EXOC2: variants seen among roughly 807,000 people sequenced by gnomAD.
The protein encoded by EXOC2 is exocyst complex component 2, also known as SEC5-like 1.
Under a neutral mutation model 131.8 loss-of-function variants are expected in EXOC2, and 70 were observed. The ratio of observed to expected loss-of-function variants is 0.53; its 90% CI spans 0.44 to 0.65. The LOEUF (loss-of-function observed/expected upper bound fraction) is 0.65, where lower values mean the gene tolerates loss of function less well. Ranked by LOEUF, EXOC2 falls within the 30% of genes least tolerant of loss-of-function variation. The probability of loss-of-function intolerance (pLI) is 0.00; values close to 1 mark genes in which losing one functional copy is unlikely to be tolerated. For missense variants in EXOC2, 923 were observed against 1,108.6 expected, an observed-to-expected ratio of 0.83 and a Z score of 2.38; for synonymous variants, 411 against 398.4, an observed-to-expected ratio of 1.03 and a Z score of -0.38.
At position 569,726 on chromosome 6, in the gene EXOC2, C is replaced by T. The variant is rs181529853; in HGVS notation, c.1443+2794G>A. Among the ~76,000 whole-genome samples, 328 of 152,256 alleles carry T rather than the reference C, an allele frequency of 2.2e-3. 1 individual carries two copies. The highest frequency in any genetic ancestry group is 7.3e-3 in the African/African-American group (305 of 41,532). ...GCCCAAATCTGCAGAGCAAATTACA[C>T]GTAATTAGTAATTATTGCTATAAGC... On this transcript the variant is annotated intron_variant, in intron 13 of 27. Transcript: ENST00000230449.
chr6:549,088 A>G (rs1757010613), intron 22 of EXOC2, 87 bp downstream of exon 22: 5 of 1,051,282 alleles, frequency 4.8e-6, no homozygotes, highest in African/African-American at 1.6e-5. Context: ...GGGAATGGGC[A>G]CTGCTAGCAG....
At chr6:562,410 G>A (rs1456333260) in intron 17 of EXOC2, among the ~76,000 whole-genome samples, 1 of 152,246 alleles carries the variant, frequency 6.6e-6, no homozygotes, top group Non-Finnish European at 1.5e-5. Context: ...TGTGGTGGTT[G>A]TTTTTGTTTG....
At chr6:663,989 A>G (rs564789671) in intron 1 of EXOC2, among the ~76,000 whole-genome samples, 66 of 152,342 alleles carry the variant, frequency 4.3e-4, no homozygotes, top group African/African-American at 1.5e-3. Flanking sequence ...GAGGAAGTCA[A>G]TCTGTCACTG....
intron 25 of EXOC2, among the ~76,000 whole-genome samples, chr6:494,035 T>C (rs1329014290): frequency 6.6e-6 from 1 of 152,232 alleles, no homozygotes; most frequent in South Asian, 2.1e-4. Context: ...GACTGCCTGT[T>C]AATTCATCTG....
At chr6:533,306 AT>A (rs1277289013) in intron 22 of EXOC2, among the ~76,000 whole-genome samples, 2 of 152,252 alleles carry the variant, frequency 1.3e-5, no homozygotes, top group African/African-American at 4.8e-5. Flanking sequence ...GTAAACTACA[AT>A]TAAAAAGGAA....
chr6:692,930 T>A (rs1301311655), intron 1 of EXOC2, 89 bp downstream of exon 1: 1 of 152,444 alleles, frequency 6.6e-6, no homozygotes, highest in Non-Finnish European at 1.5e-5. Context: ...CGCTGAGGCC[T>A]GGACGGACGC....
At position 556,561 on chromosome 6, in the gene EXOC2, A is replaced by G; in HGVS notation, c.1855T>C (p.Cys619Arg). ...CACACGATGCACTGTTCAAACTGAC[A>G]TGGCTGAAGGGAAAACAGCATATTG... ...VDNEGLTSLP[C>R]QFEQCIVCSL... Residue 619 changes from cysteine (C) to arginine (R), a missense_variant, in exon 18 of 28, where the codon TGT becomes CGT. Coordinates refer to ENST00000230449, the MANE Select transcript of EXOC2 (RefSeq NM_018303.6). 1 of 1,614,186 alleles carries G rather than the reference A, an allele frequency of 6.2e-7. No homozygotes were observed. The highest frequency in any genetic ancestry group is 8.5e-7 in the Non-Finnish European group (1 of 1,180,034).
At chr6:646,224 G>A (rs1317561107) in intron 1 of EXOC2, among the ~76,000 whole-genome samples, 2 of 152,146 alleles carry the variant, frequency 1.3e-5, no homozygotes, top group Admixed American at 6.5e-5. Flanking sequence ...TATAATATAA[G>A]AGAATGTCCT....
chr6:597,873 C>A (rs143797948), intron 10 of EXOC2, 148 bp downstream of exon 10: 98 of 587,140 alleles, frequency 1.7e-4, no homozygotes, highest in African/African-American at 1.4e-3. Context: ...TGTCCTACGC[C>A]AGATAACCCT....
intron 1 of EXOC2, among the ~76,000 whole-genome samples, chr6:675,377 TTTTC>T (rs1257039152): frequency 1.3e-5 from 2 of 152,252 alleles, no homozygotes; most frequent in Non-Finnish European, 2.9e-5. Context: ...TGTTTTTTGC[TTTTC>T]TTTTTCATTT....
intron 1 of EXOC2, among the ~76,000 whole-genome samples, chr6:682,185 A>G (rs1040642488): frequency 6.6e-6 from 1 of 150,986 alleles, no homozygotes; most frequent in Non-Finnish European, 1.5e-5. Context: ...TTCCTATTAA[A>G]TATTTCCCAG....
At chr6:594,240 C>T (rs1038281054) in intron 10 of EXOC2, among the ~76,000 whole-genome samples, 2 of 152,210 alleles carry the variant, frequency 1.3e-5, no homozygotes, top group African/African-American at 4.8e-5. Flanking sequence ...ATTTCAGATT[C>T]CAAAATGCAG....
At chr6:622,137 C>T (rs1019915749) in intron 4 of EXOC2, among the ~76,000 whole-genome samples, 2 of 152,354 alleles carry the variant, frequency 1.3e-5, no homozygotes, top group East Asian at 1.9e-4. Context: ...CGTGTCATCG[C>T]GGGCAGAAGT....
At chr6:533,204 A>C (rs1766204917) in intron 22 of EXOC2, among the ~76,000 whole-genome samples, 1 of 152,218 alleles carries the variant, frequency 6.6e-6, no homozygotes, top group South Asian at 2.1e-4. Context: ...AGGGACAGAA[A>C]GCCTAACCAT....
intron 23 of EXOC2, among the ~76,000 whole-genome samples, chr6:516,682 G>A (rs1765182560): frequency 2.0e-5 from 3 of 152,240 alleles, no homozygotes; most frequent in Admixed American, 2.0e-4. Flanking sequence ...ATGCCAAGAC[G>A]GTAGCATCTA....
intron 3 of EXOC2, among the ~76,000 whole-genome samples, chr6:630,249 T>C (rs1174713090): frequency 1.3e-5 from 2 of 148,960 alleles, no homozygotes; most frequent in Non-Finnish European, 3.0e-5. Flanking sequence ...AGTTTTGCAA[T>C]AACAAACATA....
intron 23 of EXOC2, among the ~76,000 whole-genome samples, chr6:502,603 G>A (rs545330140): frequency 1.3e-5 from 2 of 152,086 alleles, no homozygotes; most frequent in Admixed American, 1.3e-4. Context: ...TGAAGACAAA[G>A]CTATGAATGG....
At chr6:614,848 T>C (rs1237706108) in intron 6 of EXOC2, among the ~76,000 whole-genome samples, 1 of 152,142 alleles carries the variant, frequency 6.6e-6, no homozygotes, top group Non-Finnish European at 1.5e-5. Context: ...TACAAAAACT[T>C]AAATATATAT....
intron 23 of EXOC2, among the ~76,000 whole-genome samples, chr6:501,745 C>T (rs191575921): frequency 7.1e-6 from 1 of 141,802 alleles, no homozygotes; most frequent in African/African-American, 2.6e-5. Flanking sequence ...TATATTGGCT[C>T]CTCAAAACAA....
Sources: gnomAD v4.1 joint callset for allele counts (sites outside exome capture counted in the v4.1 genomes callset) on GRCh38, gnomAD v4.1.1 for gene constraint, MANE v1.5 for transcripts, NCBI Gene and HGNC (gene_info 2026-07-23, HGNC 2026-07-21) for gene names.